SETD3: variants seen among roughly 807,000 people sequenced by gnomAD.
The protein encoded by SETD3 is SET domain containing 3, actin N3(tau)-histidine methyltransferase.
Under a neutral mutation model 63.0 loss-of-function variants are expected in SETD3, and 19 were observed. That is an observed-to-expected ratio of 0.30 (90% CI 0.21 to 0.44). The LOEUF (loss-of-function observed/expected upper bound fraction) is 0.44, where lower values mean the gene tolerates loss of function less well. SETD3 is among the 20% of genes least tolerant of loss of function. SETD3 has a pLI of 1.00. For missense variants in SETD3, 587 were observed against 728.5 expected (o/e 0.81, Z 2.24); for synonymous variants, 286 against 264.1 (o/e 1.08, Z -0.80).
At chr14:99,422,299 C>G (rs1892635337) in intron 6 of SETD3, among the ~76,000 whole-genome samples, 1 of 152,216 alleles carries the variant, frequency 6.6e-6, no homozygotes, top group African/African-American at 2.4e-5. Flanking sequence ...ATCTGGAATT[C>G]TATCATTTTT....
In SETD3 at chr14:99,406,509, G is replaced by C. The variant is rs754017395; in HGVS notation, c.924+7C>G. ...GCTCACATTTTGTGAGATGCCACGA[G>C]ACCCACCTGCTCTCCAGCCCGAAAA... is the stretch of plus-strand genomic sequence containing the variant. On this transcript the variant is annotated splice_region_variant and intron_variant, in intron 9 of 12. Transcript: ENST00000331768. The C allele has an allele frequency of 6.2e-7, 1 of 1,613,988 alleles. No homozygotes were observed. The highest frequency in any genetic ancestry group is 1.6e-4 in the Middle Eastern group (1 of 6,062).
Position 99,405,295 on chromosome 14 carries a change from T to C in SETD3, c.1001A>G (p.His334Arg), listed in dbSNP as rs775192609. Residue 334 changes from histidine (H) to arginine (R), a missense_variant, in exon 10 of 13, where the codon CAC (histidine) becomes CGC (arginine). His to Arg is a conservative substitution (Grantham distance 29, BLOSUM62 0). Transcript: ENST00000331768. Reference protein sequence around the residue: ...HSGFFFDNNSHDRVKIKLGVS... With the variant: ...HSGFFFDNNSRDRVKIKLGVS... ...TCCAAGCTTTATTTTCACTCTGTCG[T>C]GTGAGTTATTGTCAAAGAAAAAACC... 1.2e-6 allele frequency: 2 copies of C among 1,614,204 alleles called. No individual in the cohort carries two copies. The highest frequency in any genetic ancestry group is 1.7e-6 in the Non-Finnish European group (2 of 1,180,016).
Position 99,461,258 on chromosome 14 carries a change from G to A in SETD3, c.279C>T (p.Val93=), listed in dbSNP as rs537201674. The A allele has an allele frequency of 1.9e-6, 3 of 1,613,956 alleles. No homozygotes were observed. The highest frequency in any genetic ancestry group is 1.1e-5 in the South Asian group (1 of 91,086). ...MKWASENGAS[V]EGFEMVNFKE... is the part of the protein sequence containing the mutation. ...TGAAGTTAACCATTTCAAAACCCTC[G>A]ACAGAAGCCCCATTTTCAGAGGCCC... The change falls in exon 4 of 13, where the codon GTC becomes GTT. Residue 93 remains valine (V), a synonymous_variant. Transcript: ENST00000331768.
intron 6 of SETD3, among the ~76,000 whole-genome samples, chr14:99,426,484 G>A (rs543322797): frequency 1.3e-4 from 20 of 152,322 alleles, no homozygotes; most frequent in African/African-American, 2.6e-4. Flanking sequence ...TGCAGAGCAC[G>A]GAAAGCAGCA....
chr14:99,482,055 G>A (rs983308289), upstream of SETD3, among the ~76,000 whole-genome samples: 90 of 152,304 alleles, frequency 5.9e-4, no homozygotes, highest in Non-Finnish European at 1.2e-3. Context: ...TGTTATGAGA[G>A]AAATTGTTCT....
At chr14:99,401,435 C>T (rs919017513) in intron 11 of SETD3, among the ~76,000 whole-genome samples, 1 of 152,142 alleles carries the variant, frequency 6.6e-6, no homozygotes, top group Non-Finnish European at 1.5e-5. Flanking sequence ...TCACTATTTA[C>T]GATTCAAACT....
At chr14:99,449,620 A>G (rs1894342414) in intron 6 of SETD3, among the ~76,000 whole-genome samples, 1 of 152,220 alleles carries the variant, frequency 6.6e-6, no homozygotes, top group Admixed American at 6.5e-5. Context: ...CCCAGGCTGG[A>G]AGTGATTTGA....
chr14:99,449,368 A>G (rs998998824), intron 6 of SETD3, among the ~76,000 whole-genome samples: 2 of 152,250 alleles, frequency 1.3e-5, no homozygotes, highest in African/African-American at 2.4e-5. Flanking sequence ...TTCATTAATT[A>G]TAAGAGAAAA....
Position 99,453,841 on chromosome 14 carries a change from C to T in SETD3, c.675+4438G>A, listed in dbSNP as rs146643873. Among the ~76,000 whole-genome samples the T allele has an allele frequency of 1.4e-4, 22 of 152,042 alleles. 1 individual carries two copies. The East Asian group carries it at 4.3e-3, about 29-fold the overall frequency. ...TCTCCACCTCAAGAAAAAAAAAAAG[C>T]TCATTATTGTGTATTATCAATATGT... On this transcript the variant is annotated intron_variant, in intron 6 of 12. Coordinates refer to ENST00000331768, the MANE Select transcript of SETD3 (RefSeq NM_032233.3).
intron 3 of SETD3, 126 bp from the exon 4 acceptor site, chr14:99,461,466 A>C (rs1158875673): frequency 1.1e-6 from 1 of 871,300 alleles, no homozygotes; most frequent in Non-Finnish European, 1.8e-6. Context: ...CAATCTTGAA[A>C]TCAAAACTAA....
rs528768408 is a variant in SETD3, at chr14:99,447,644, G to GCAC, written c.675+10632_675+10634dup. ...AGTGGCTCTACCAAACTTTATAAAG[G>GCAC]CACCGGCAACTCTCCAGAGAACAGG... On this transcript the variant is annotated intron_variant, in intron 6 of 12. Coordinates refer to ENST00000331768, the MANE Select transcript of SETD3 (RefSeq NM_032233.3). Among the ~76,000 whole-genome samples, 7 of 152,240 alleles carry GCAC rather than the reference G, an allele frequency of 4.6e-5. No individual in the cohort carries two copies. In the South Asian group the frequency reaches 1.5e-3, roughly 32 times the overall value.
chr14:99,443,255 A>ATTTTTTTTTTTTT (rs996583091), intron 6 of SETD3, among the ~76,000 whole-genome samples: 2 of 108,800 alleles, frequency 1.8e-5, no homozygotes, highest in African/African-American at 3.9e-5. Context: ...CTGAACTCCC[A>ATTTTTTTTTTTTT]TTTTTTTTTT....
At chr14:99,485,713 A>G (rs1301360935), upstream of SETD3, among the ~76,000 whole-genome samples, 1 of 152,166 alleles carries the variant, frequency 6.6e-6, no homozygotes, top group African/African-American at 2.4e-5. Flanking sequence ...ACCTATTTCC[A>G]GCCAGGCACG....
In SETD3 at chr14:99,398,055, CTA is replaced by C. The variant is rs927059999; in HGVS notation, c.*622_*623del. 2.0e-5 allele frequency: 3 copies of C among 152,476 alleles called. No individual in the cohort carries two copies. The highest frequency in any genetic ancestry group is 1.9e-4 in the East Asian group (1 of 5,198). The allele number at this position is 152,476 out of a possible 1,614,324, so 9.4% of individuals were successfully genotyped here. On this transcript the variant is annotated 3_prime_UTR_variant, in exon 13 of 13. Transcript: ENST00000331768. ...AAAGTAAACAAATCTTTAGAAATCACTATATATATGTGTGTTTATATATATAT... is the reference window on the plus strand; with the variant it reads ...AAAGTAAACAAATCTTTAGAAATCACTATATATGTGTGTTTATATATATAT...
At chr14:99,471,235 A>G (rs1281435752) in intron 1 of SETD3, among the ~76,000 whole-genome samples, 1 of 152,274 alleles carries the variant, frequency 6.6e-6, no homozygotes, top group Non-Finnish European at 1.5e-5. Context: ...GTTGAGTAAA[A>G]GAAAATCTTT....
At chr14:99,442,887 G>A (rs1156733151) in intron 6 of SETD3, among the ~76,000 whole-genome samples, 1 of 152,146 alleles carries the variant, frequency 6.6e-6, no homozygotes, top group East Asian at 1.9e-4. Flanking sequence ...CCAGGTAAGA[G>A]GGGAGCGAAT....
intron 1 of SETD3, among the ~76,000 whole-genome samples, chr14:99,480,201 G>A (rs1006587298): frequency 2.6e-5 from 4 of 152,168 alleles, no homozygotes; most frequent in African/African-American, 9.7e-5. Context: ...AACTCGCAGA[G>A]AGGAACATAA....
At chr14:99,484,589 A>G (rs1442181174), upstream of SETD3, among the ~76,000 whole-genome samples, 4 of 152,262 alleles carry the variant, frequency 2.6e-5, no homozygotes, top group African/African-American at 4.8e-5. Flanking sequence ...AAGAGTCGCT[A>G]AAAGGTAGAT....
intron 6 of SETD3, among the ~76,000 whole-genome samples, chr14:99,453,469 C>G (rs1894578208): frequency 6.6e-6 from 1 of 152,198 alleles, no homozygotes; most frequent in Admixed American, 6.5e-5. Flanking sequence ...CCGCAGTGCA[C>G]CTCATTCTAG....
Sources: gnomAD v4.1 joint callset for allele counts (sites outside exome capture counted in the v4.1 genomes callset) on GRCh38, gnomAD v4.1.1 for gene constraint, MANE v1.5 for transcripts, NCBI Gene and HGNC (gene_info 2026-07-23, HGNC 2026-07-21) for gene names.